UBE2W: variants seen among roughly 807,000 people sequenced by gnomAD.
UBE2W encodes ubiquitin-conjugating enzyme E2 W.
Under a neutral mutation model 27.2 loss-of-function variants are expected in UBE2W, and 18 were observed. The observed-to-expected ratio is 0.66, with a 90% CI of 0.46 to 0.98. The LOEUF is 0.98. UBE2W is among the 50% of genes least tolerant of loss of function. The pLI is 0.00. For missense variants in UBE2W, 90 were observed against 180.2 expected (o/e 0.50, Z 2.87); for synonymous variants, 53 against 57.2 (o/e 0.93, Z 0.33).
chr8:73,840,192 G>A (rs1167746466), intron 1 of UBE2W, among the ~76,000 whole-genome samples: 2 of 152,040 alleles, frequency 1.3e-5, no homozygotes, highest in African/African-American at 2.4e-5. Flanking sequence ...GAGTAGCTGG[G>A]ACTACAGGTG....
chr8:73,780,597 A>C, intron 4 of UBE2W: 1 of 421,512 alleles, frequency 2.4e-6, no homozygotes, highest in Non-Finnish European at 4.7e-6. Flanking sequence ...CAGTGGCACA[A>C]TGCAACCTCC....
Position 73,797,273 on chromosome 8 carries a change from T to A in UBE2W, c.443-3158A>T, listed in dbSNP as rs116678871. Among the ~76,000 whole-genome samples, 651 of 152,144 alleles carry A rather than the reference T, an allele frequency of 4.3e-3. 6 individuals are homozygous for A. The highest frequency in any genetic ancestry group is 0.015 in the African/African-American group (625 of 41,510). On this transcript the variant is annotated intron_variant, in intron 5 of 5. Coordinates refer to ENST00000602593, the MANE Select transcript of UBE2W (RefSeq NM_018299.6). Reference sequence around the variant, plus strand: ...TCATGGAAACCCATCTCCTTGGATATCCCCAGGGACAGAAGACTAGAAAAA... The same window carrying A: ...TCATGGAAACCCATCTCCTTGGATAACCCCAGGGACAGAAGACTAGAAAAA...
At chr8:73,854,688 T>C (rs1326500689) in intron 1 of UBE2W, among the ~76,000 whole-genome samples, 1 of 152,190 alleles carries the variant, frequency 6.6e-6, no homozygotes, top group Non-Finnish European at 1.5e-5. Context: ...CTCTGAAAAG[T>C]ATGAATTACA....
Position 73,792,100 on chromosome 8 carries a change from A to T in UBE2W, c.*2002T>A. The T allele has an allele frequency of 1.0e-6, 1 of 985,142 alleles. No individual in the cohort carries two copies. Among genetic ancestry groups the T allele is most frequent in the Non-Finnish European group, 1.2e-6 (1 of 829,730 alleles). 61.0% of individuals were successfully genotyped at this position (985,142 alleles called of 1,614,324 possible). On this transcript the variant is annotated 3_prime_UTR_variant, in exon 6 of 6. Coordinates refer to ENST00000602593, the MANE Select transcript of UBE2W (RefSeq NM_018299.6). ...ATCAAGTCAAACAGTAGTGTAGAGC[A>T]GTTACGCAAAATATGAAAATACATA...
chr8:73,878,801 C>A lies in UBE2W; in HGVS notation c.15+7G>T. ...TGGCCCGCCCAGATGCAGCAAACTC[C>A]TCTCACCTGCATTGACGCCATGATG... On this transcript the variant is annotated splice_region_variant and intron_variant, in intron 1 of 5. Transcript: ENST00000602593. The A allele has an allele frequency of 6.5e-7, 1 of 1,550,274 alleles. No homozygotes were observed. Among genetic ancestry groups the A allele is most frequent in the South Asian group, 1.2e-5 (1 of 84,040 alleles).
chr8:73,783,610 C>T (rs1188536198), downstream of UBE2W, among the ~76,000 whole-genome samples: 1 of 152,074 alleles, frequency 6.6e-6, no homozygotes, highest in Non-Finnish European at 1.5e-5. Flanking sequence ...ACTGAAAAAG[C>T]CTCTTGGGTT....
At chr8:73,796,169 TTAA>T (rs1808410629) in intron 5 of UBE2W, among the ~76,000 whole-genome samples, 1 of 151,736 alleles carries the variant, frequency 6.6e-6, no homozygotes, top group Admixed American at 6.6e-5. Flanking sequence ...CTTAGGAATA[TTAA>T]TAAGTTCCTT....
Position 73,804,204 on chromosome 8 carries a change from T to C in UBE2W, c.442+1447A>G, listed in dbSNP as rs184472247. Reference sequence around the variant, plus strand: ...GGTGAGGATACAGAAGGCTTCACACTGGATAGAAGATACGGGGAGAAGGTC... The same window carrying C: ...GGTGAGGATACAGAAGGCTTCACACCGGATAGAAGATACGGGGAGAAGGTC... On this transcript the variant is annotated intron_variant, in intron 5 of 5. Coordinates refer to ENST00000602593, the MANE Select transcript of UBE2W (RefSeq NM_018299.6). Among the ~76,000 whole-genome samples the C allele has an allele frequency of 2.8e-3, 430 of 151,806 alleles. 4 individuals are homozygous for C. The highest frequency in any genetic ancestry group is 0.01 in the Middle Eastern group (3 of 294).
intron 1 of UBE2W, among the ~76,000 whole-genome samples, chr8:73,875,478 C>T (rs988956576): frequency 2.6e-5 from 4 of 152,114 alleles, no homozygotes; most frequent in African/African-American, 9.7e-5. Flanking sequence ...CAAAGTCTAC[C>T]CTTACTTGTT....
chr8:73,780,472 G>A, exon 5 of UBE2W: 1 of 451,928 alleles, frequency 2.2e-6, no homozygotes, highest in South Asian at 1.6e-5. Context: ...CTTATTGGAG[G>A]ACATGATTCA....
intron 1 of UBE2W, among the ~76,000 whole-genome samples, chr8:73,873,435 G>T (rs559169905): frequency 6.6e-6 from 1 of 152,242 alleles, no homozygotes; most frequent in East Asian, 1.9e-4. Context: ...AAGGTGGGCC[G>T]ATGGCTGAGT....
intron 1 of UBE2W, among the ~76,000 whole-genome samples, chr8:73,876,531 CAGA>C (rs1214364119): frequency 1.3e-5 from 2 of 151,872 alleles, no homozygotes; most frequent in African/African-American, 4.8e-5. Flanking sequence ...CCAGAAAACA[CAGA>C]AGAATAGAGA....
chr8:73,788,920 C>T lies in UBE2W; in HGVS notation c.*5182G>A. 1.0e-6 allele frequency: 1 copy of T among 984,878 alleles called. No homozygotes were observed. The highest frequency in any genetic ancestry group is 1.2e-6 in the Non-Finnish European group (1 of 829,600). The allele number at this position is 984,878 out of a possible 1,614,324, so 61.0% of individuals were successfully genotyped here. A position where few individuals can be genotyped will look rare whatever the true frequency, so the allele number is the denominator to read the frequency against. On this transcript the variant is annotated 3_prime_UTR_variant, in exon 6 of 6. Transcript: ENST00000602593. ...ATAGATCAGCTTCTATTCAGGCATT[C>T]CTTCCACATACTCAAAATACCCTCA...
chr8:73,844,797 CGA>C (rs1810704205), intron 1 of UBE2W, among the ~76,000 whole-genome samples: 1 of 151,504 alleles, frequency 6.6e-6, no homozygotes, highest in Non-Finnish European at 1.5e-5. Flanking sequence ...TGCCTGGCCG[CGA>C]CCCCGTCTGG....
At chr8:73,819,927 G>C (rs777834074) in intron 3 of UBE2W, among the ~76,000 whole-genome samples, 1 of 152,182 alleles carries the variant, frequency 6.6e-6, no homozygotes, top group Non-Finnish European at 1.5e-5. Flanking sequence ...TTCTACTCTT[G>C]TAACTAGTGA....
intron 4 of UBE2W, among the ~76,000 whole-genome samples, chr8:73,806,277 G>A (rs1330628138): frequency 2.0e-5 from 3 of 152,160 alleles, no homozygotes; most frequent in Admixed American, 6.5e-5. Flanking sequence ...TGTAATCTCA[G>A]GTACTTGGAA....
intron 1 of UBE2W, among the ~76,000 whole-genome samples, chr8:73,866,279 AAAAAAAAAAAAATATAT>A (rs979773703): frequency 3.7e-5 from 4 of 108,018 alleles, no homozygotes; most frequent in African/African-American, 1.5e-4. Context: ...AAAAAAAAAA[AAAAAAAAAAAAATATAT>A]ATATATATAT....
intron 1 of UBE2W, among the ~76,000 whole-genome samples, chr8:73,860,664 T>C (rs576603787): frequency 6.6e-5 from 10 of 152,290 alleles, no homozygotes; most frequent in South Asian, 2.1e-4. Context: ...TGTCAAAGTA[T>C]TGAGTTACAA....
intron 2 of UBE2W, among the ~76,000 whole-genome samples, chr8:73,827,135 T>A (rs1488253579): frequency 6.6e-6 from 1 of 152,204 alleles, no homozygotes; most frequent in African/African-American, 2.4e-5. Flanking sequence ...AAGTATCTCA[T>A]CAATCCTTGT....
Sources: gnomAD v4.1 joint callset for allele counts (sites outside exome capture counted in the v4.1 genomes callset) on GRCh38, gnomAD v4.1.1 for gene constraint, MANE v1.5 for transcripts, NCBI Gene and HGNC (gene_info 2026-07-23, HGNC 2026-07-21) for gene names.